NKD1: variants seen among roughly 807,000 people sequenced by gnomAD.
The protein encoded by NKD1 is NKD inhibitor of Wnt signaling pathway 1, also known as protein naked cuticle homolog 1.
A neutral mutation model predicts 56.0 loss-of-function variants in NKD1; 21 were observed. The ratio of observed to expected loss-of-function variants is 0.38; its 90% CI spans 0.27 to 0.54. NKD1 has a LOEUF of 0.54. Among genes scored for constraint, NKD1 ranks in the 20% least tolerant of loss-of-function variants. The pLI, the probability that NKD1 is intolerant of heterozygous loss-of-function variation, is 0.82. For synonymous variants in NKD1, 263 were observed against 265.7 expected, an observed-to-expected ratio of 0.99 and a Z score of 0.10; for missense variants, 578 against 642.7, an observed-to-expected ratio of 0.90 and a Z score of 1.09.
At chr16:50,564,070 G>T (rs1414442307) in intron 3 of NKD1, among the ~76,000 whole-genome samples, 1 of 152,272 alleles carries the variant, frequency 6.6e-6, no homozygotes, top group Non-Finnish European at 1.5e-5. Flanking sequence ...GTCATGGAAA[G>T]AAAGCTCTCC....
intron 5 of NKD1, among the ~76,000 whole-genome samples, chr16:50,621,937 T>C (rs900862568): frequency 1.3e-5 from 2 of 152,194 alleles, no homozygotes; most frequent in African/African-American, 4.8e-5. Flanking sequence ...AGCCCCTCCA[T>C]GCGGGCTGTG....
intron 4 of NKD1, among the ~76,000 whole-genome samples, chr16:50,610,684 A>G (rs1408824614): frequency 6.6e-6 from 1 of 152,250 alleles, no homozygotes; most frequent in Non-Finnish European, 1.5e-5. Flanking sequence ...AGGCGTGAAG[A>G]TAAAAAGAAG....
At chr16:50,581,972 C>T (rs987268581) in intron 3 of NKD1, among the ~76,000 whole-genome samples, 9 of 152,130 alleles carry the variant, frequency 5.9e-5, no homozygotes, top group African/African-American at 1.9e-4. Context: ...TTGTTTGGGG[C>T]TGCTGGGGTG....
intron 3 of NKD1, among the ~76,000 whole-genome samples, chr16:50,561,419 T>G (rs1183257688): frequency 6.6e-6 from 1 of 151,554 alleles, no homozygotes; most frequent in Non-Finnish European, 1.5e-5. Flanking sequence ...GTCCAAAGAT[T>G]AGTGACTTGA....
chr16:50,624,734 A>T (rs1962171451), intron 5 of NKD1, among the ~76,000 whole-genome samples: 1 of 152,222 alleles, frequency 6.6e-6, no homozygotes, highest in South Asian at 2.1e-4. Flanking sequence ...GATTTGTCCC[A>T]GGGAGGGGTG....
At position 50,548,544 on chromosome 16, in the gene NKD1, C is replaced by T; in HGVS notation, c.-10C>T. The stretch of plus-strand genomic sequence containing the variant: ...GGCTTAGGGACGCTCCCGGCCGCCG[C>T]AGCCCCAGCATGGGGAAACTTCACT... On this transcript the variant is annotated 5_prime_UTR_variant, in exon 1 of 10. Coordinates refer to ENST00000268459, the MANE Select transcript of NKD1 (RefSeq NM_033119.5). The T allele has an allele frequency of 6.8e-7, 1 of 1,466,246 alleles. No homozygotes were observed. The highest frequency in any genetic ancestry group is 1.3e-5 in the South Asian group (1 of 77,604). 90.8% of individuals were successfully genotyped at this position (1,466,246 alleles called of 1,614,324 possible).
chr16:50,610,602 T>C (rs1421401637), intron 4 of NKD1, among the ~76,000 whole-genome samples: 1 of 152,254 alleles, frequency 6.6e-6, no homozygotes, highest in African/African-American at 2.4e-5. Context: ...CTCTTCTTTG[T>C]CTTCCTGTTG....
At chr16:50,548,785 C>T (rs1003645307) in intron 2 of NKD1, 36 bp downstream of exon 2, 25 of 1,365,068 alleles carry the variant, frequency 1.8e-5, no homozygotes, top group Non-Finnish European at 2.0e-5. Context: ...CGGGGATGGA[C>T]GCGGGGGACA....
At chr16:50,619,814 A>G (rs1241559913) in intron 4 of NKD1, among the ~76,000 whole-genome samples, 1 of 152,220 alleles carries the variant, frequency 6.6e-6, no homozygotes, top group African/African-American at 2.4e-5. Flanking sequence ...ACACAGTGCC[A>G]GAGAACAGAA....
chr16:50,637,585 A>G lies in NKD1; in HGVS notation c.*3804A>G, dbSNP rs1004596435. ...TCCATCTCAAATAAATAAAGAGGTT[A>G]TACTGAATAATGAGGAATCAAAGGA... On this transcript the variant is annotated 3_prime_UTR_variant, in exon 10 of 10. Transcript: ENST00000268459. 6.6e-6 allele frequency: 1 copy of G among 152,232 alleles called. No individual in the cohort carries two copies. Among genetic ancestry groups the G allele is most frequent in the African/African-American group, 2.4e-5 (1 of 41,444 alleles). The allele number at this position is 152,232 out of a possible 1,614,324, so 9.4% of individuals were successfully genotyped here. A position where few individuals can be genotyped will look rare whatever the true frequency, so the allele number is the denominator to read the frequency against.
chr16:50,553,310 T>G (rs1049958891), intron 3 of NKD1, among the ~76,000 whole-genome samples: 12 of 152,226 alleles, frequency 7.9e-5, no homozygotes, highest in African/African-American at 2.9e-4. Context: ...AGATTTAAAA[T>G]AATCTCCCCA....
At chr16:50,586,977 T>C (rs534332169) in intron 3 of NKD1, among the ~76,000 whole-genome samples, 141 of 152,328 alleles carry the variant, frequency 9.3e-4, no homozygotes, top group African/African-American at 3.3e-3. Flanking sequence ...TTCCATCCCA[T>C]CTCTCAGGTC....
chr16:50,555,990 G>A (rs896489591), intron 3 of NKD1: 2 of 138,698 alleles, frequency 1.4e-5, no homozygotes, highest in East Asian at 5.0e-4. Context: ...AAAAAATTCA[G>A]TCTCTCACAA....
intron 3 of NKD1, among the ~76,000 whole-genome samples, chr16:50,594,026 C>T (rs1961423881): frequency 6.6e-6 from 1 of 152,186 alleles, no homozygotes; most frequent in African/African-American, 2.4e-5. Context: ...CCCAAACTTA[C>T]AGTCTGTGAA....
At chr16:50,626,182 C>T (rs2151279952) in intron 6 of NKD1, among the ~76,000 whole-genome samples, 1 of 152,360 alleles carries the variant, frequency 6.6e-6, no homozygotes, top group African/African-American at 2.4e-5. Context: ...GGGCCCTCCT[C>T]CTGCAGCTCT....
intron 3 of NKD1, among the ~76,000 whole-genome samples, chr16:50,567,155 T>C (rs1219604433): frequency 6.6e-6 from 1 of 152,184 alleles, no homozygotes; most frequent in African/African-American, 2.4e-5. Flanking sequence ...TTAGTTTTCT[T>C]ACCTATAAAA....
intron 4 of NKD1, chr16:50,615,968 T>C (rs990311842): frequency 2.3e-6 from 1 of 438,990 alleles, no homozygotes; most frequent in Non-Finnish European, 4.7e-6. Context: ...TATCTTTCTC[T>C]TTTTACTGGC....
rs1001952981 is a variant in NKD1, at chr16:50,623,768, C to G, written c.367-1717C>G. ...GTGTGTGTGTGTGTGTGTGTGTACA[C>G]AGGTATGTGAGCGTAGGATGTGCAC... On this transcript the variant is annotated intron_variant, in intron 5 of 9. Coordinates refer to ENST00000268459, the MANE Select transcript of NKD1 (RefSeq NM_033119.5). This position sits in a 1 kb window ranked among gnomAD's most constrained non-coding sequence, Gnocchi z 4.1. 3.6e-5 allele frequency among the ~76,000 whole-genome samples: 5 copies of G among 140,326 alleles called. No individual in the cohort carries two copies. Among genetic ancestry groups the G allele is most frequent in the African/African-American group, 1.4e-4 (5 of 35,246 alleles). 92.1% of individuals were successfully genotyped at this position (140,326 alleles called of 152,430 possible). A position where few individuals can be genotyped will look rare whatever the true frequency, so the allele number is the denominator to read the frequency against.
chr16:50,580,570 C>T (rs560002727), intron 3 of NKD1, among the ~76,000 whole-genome samples: 1 of 152,246 alleles, frequency 6.6e-6, no homozygotes, highest in African/African-American at 2.4e-5. Flanking sequence ...ATGAGCGTTA[C>T]TCTGTCATTT....
Sources: gnomAD v4.1 joint callset for allele counts (sites outside exome capture counted in the v4.1 genomes callset) on GRCh38, gnomAD v4.1.1 for gene constraint, Gnocchi (gnomAD v3.1) non-coding constraint, MANE v1.5 for transcripts, NCBI Gene and HGNC (gene_info 2026-07-23, HGNC 2026-07-21) for gene names.